NRF1: variants seen among roughly 807,000 people sequenced by gnomAD.
NRF1 encodes nuclear respiratory factor 1.
A neutral mutation model predicts 58.5 loss-of-function variants in NRF1; 5 were observed. That is an observed-to-expected ratio of 0.09 (90% CI 0.04 to 0.18). The LOEUF (loss-of-function observed/expected upper bound fraction) is 0.18. Among genes scored for constraint, NRF1 ranks in the 10% least tolerant of loss-of-function variants. The pLI is 1.00. For missense variants in NRF1, 288 were observed against 657.7 expected (o/e 0.44, Z 6.15); for synonymous variants, 224 against 246.7 (o/e 0.91, Z 0.86).
Position 129,726,258 on chromosome 7 carries a change from G to GT in NRF1, c.1224-977dup, listed in dbSNP as rs761440273. The stretch of plus-strand genomic sequence containing the variant: ...ACCAGAAGGGATAATGAAATTGCCT[G>GT]TTTTTTCACATTTTTACATCTCTGA... On this transcript the variant is annotated intron_variant, in intron 9 of 10. Transcript: ENST00000393232. Among the ~76,000 whole-genome samples the GT allele has an allele frequency of 5.3e-5, 8 of 152,210 alleles. 1 individual carries two copies. Among genetic ancestry groups the GT allele is most frequent in the Middle Eastern group, 6.8e-3 (2 of 294 alleles).
chr7:129,717,320 A>G lies in NRF1; in HGVS notation c.1167A>G (p.Ala389=), dbSNP rs1332818826. 6 of 1,613,998 alleles carry G rather than the reference A, an allele frequency of 3.7e-6. No homozygotes were observed. The highest frequency in any genetic ancestry group is 8.5e-7 in the Non-Finnish European group (1 of 1,180,002). ...CGGTGGCATCGTTGGCAGAGGCCGCAGTGGCAGCTTCTCAGGAGATGCAGC... is the reference window on the plus strand; with the variant it reads ...CGGTGGCATCGTTGGCAGAGGCCGCGGTGGCAGCTTCTCAGGAGATGCAGC... The part of the protein sequence containing the change: ...TQAVASLAEA[A]VAASQEMQQG... The change falls in exon 9 of 11, where the codon GCA becomes GCG. Residue 389 remains alanine (A), a synonymous_variant. Coordinates refer to ENST00000393232, the MANE Select transcript of NRF1 (RefSeq NM_005011.5).
intron 1 of NRF1, among the ~76,000 whole-genome samples, chr7:129,638,352 A>G (rs1223037126): frequency 6.6e-6 from 1 of 152,166 alleles, no homozygotes; most frequent in African/African-American, 2.4e-5. Context: ...CCAGCATATT[A>G]CTGCTGGCGA....
Position 129,658,153 on chromosome 7 carries a change from G to A in NRF1, c.223+579G>A, listed in dbSNP as rs77914171. 7.5e-4 allele frequency among the ~76,000 whole-genome samples: 114 copies of A among 152,004 alleles called. No individual in the cohort carries two copies. In the East Asian group the frequency reaches 0.022, roughly 29 times the overall value. Reference sequence around the variant, plus strand: ...GCTTTCTCTTTGCCCTACCTGTTCTGTTTACTTTTCTCTTTCTTGGCGTTT... The same window carrying A: ...GCTTTCTCTTTGCCCTACCTGTTCTATTTACTTTTCTCTTTCTTGGCGTTT... On this transcript the variant is annotated intron_variant, in intron 2 of 10. Coordinates refer to ENST00000393232, the MANE Select transcript of NRF1 (RefSeq NM_005011.5).
At chr7:129,730,252 C>G (rs1025753241) in intron 10 of NRF1, among the ~76,000 whole-genome samples, 3 of 151,948 alleles carry the variant, frequency 2.0e-5, no homozygotes, top group African/African-American at 7.3e-5. Context: ...CTCAAACTCT[C>G]GGGCTCGAGC....
chr7:129,669,021 C>T (rs1032988718), intron 2 of NRF1, among the ~76,000 whole-genome samples: 5 of 152,102 alleles, frequency 3.3e-5, no homozygotes, highest in Non-Finnish European at 5.9e-5. Context: ...GATCTCGGTT[C>T]ACTGCAACCT....
At chr7:129,650,697 C>T (rs1182108690) in intron 1 of NRF1, among the ~76,000 whole-genome samples, 2 of 151,898 alleles carry the variant, frequency 1.3e-5, no homozygotes, top group Non-Finnish European at 2.9e-5. Flanking sequence ...ATTTAATCCT[C>T]ATATCATCCT....
At chr7:129,673,931 G>C (rs1057313716) in intron 3 of NRF1, among the ~76,000 whole-genome samples, 4 of 151,964 alleles carry the variant, frequency 2.6e-5, no homozygotes, top group Non-Finnish European at 5.9e-5. Flanking sequence ...CCTGAGGTCG[G>C]GAGTTTGAGA....
At position 129,755,218 on chromosome 7, in the gene NRF1, T is replaced by C; in HGVS notation, c.*37T>C. On this transcript the variant is annotated 3_prime_UTR_variant, in exon 11 of 11. Transcript: ENST00000393232. This position sits in a 1 kb window ranked among gnomAD's most constrained non-coding sequence, Gnocchi z 5.8. The stretch of plus-strand genomic sequence containing the variant: ...ATTATGGCATCGTTTTCTAGTCTAC[T>C]TCAAAATTTTTTACACGTTTGCAGA... The C allele has an allele frequency of 1.3e-6, 2 of 1,512,696 alleles. No individual in the cohort carries two copies. The highest frequency in any genetic ancestry group is 1.8e-6 in the Non-Finnish European group (2 of 1,126,492). 93.7% of individuals were successfully genotyped at this position (1,512,696 alleles called of 1,614,324 possible). A position where few individuals can be genotyped will look rare whatever the true frequency, so the allele number is the denominator to read the frequency against.
chr7:129,727,750 T>TC (rs1330118476), intron 10 of NRF1, among the ~76,000 whole-genome samples: 12 of 152,308 alleles, frequency 7.9e-5, no homozygotes, highest in African/African-American at 2.9e-4. Flanking sequence ...AGGACCATCA[T>TC]GGAAAGTTCT....
At chr7:129,644,774 C>T (rs1801367911) in intron 1 of NRF1, among the ~76,000 whole-genome samples, 1 of 152,148 alleles carries the variant, frequency 6.6e-6, no homozygotes, top group East Asian at 1.9e-4. Flanking sequence ...TCCGGCAAGC[C>T]AAAATTCCCC....
chr7:129,701,591 CA>C lies in NRF1; in HGVS notation c.607-7472del, dbSNP rs59228978. 7.6e-3 allele frequency among the ~76,000 whole-genome samples: 703 copies of C among 92,982 alleles called. 11 individuals are homozygous for C. The highest frequency in any genetic ancestry group is 0.038 in the East Asian group (128 of 3,388). The allele number at this position is 92,982 out of a possible 152,430, so 61.0% of individuals were successfully genotyped here. A position where few individuals can be genotyped will look rare whatever the true frequency, so the allele number is the denominator to read the frequency against. The stretch of plus-strand genomic sequence containing the variant: ...GCCTGGGTGATGAGTGAGGCTGTCT[CA>C]AAAAAAAAAAAGAAAAAGAAAAAAA... On this transcript the variant is annotated intron_variant, in intron 5 of 10. Coordinates refer to ENST00000393232, the MANE Select transcript of NRF1 (RefSeq NM_005011.5).
intron 3 of NRF1, among the ~76,000 whole-genome samples, chr7:129,676,308 C>A (rs1447031671): frequency 6.6e-6 from 1 of 152,242 alleles, no homozygotes; most frequent in Non-Finnish European, 1.5e-5. Context: ...TTGGCATAAG[C>A]GGCCTTGCTG....
At chr7:129,621,538 CAG>C (rs1190663833) in intron 1 of NRF1, among the ~76,000 whole-genome samples, 9 of 152,104 alleles carry the variant, frequency 5.9e-5, no homozygotes, top group Middle Eastern at 3.4e-3. Flanking sequence ...TTTTTGGTAA[CAG>C]ATCTTCCATG....
At chr7:129,673,296 A>G (rs1235934723) in intron 3 of NRF1, among the ~76,000 whole-genome samples, 9 of 152,214 alleles carry the variant, frequency 5.9e-5, no homozygotes, top group Non-Finnish European at 1.3e-4. Context: ...AAGGAATTCC[A>G]TCAGATTTCT....
chr7:129,700,034 G>A (rs888040537), intron 5 of NRF1, among the ~76,000 whole-genome samples: 11 of 151,430 alleles, frequency 7.3e-5, no homozygotes, highest in East Asian at 1.9e-4. Flanking sequence ...CCAGCTACTC[G>A]GGAGGCTGGG....
At chr7:129,730,536 G>A (rs1420123500) in intron 10 of NRF1, among the ~76,000 whole-genome samples, 2 of 152,210 alleles carry the variant, frequency 1.3e-5, no homozygotes, top group African/African-American at 4.8e-5. Context: ...CAGTTCTGAA[G>A]TAGAAAGAGT....
intron 1 of NRF1, chr7:129,633,589 C>G (rs1005897531): frequency 2.0e-5 from 3 of 152,124 alleles, no homozygotes; most frequent in African/African-American, 7.2e-5. Context: ...CTCCACCAAA[C>G]TTTTTAAAGT....
At chr7:129,670,861 C>T (rs1439912625) in intron 2 of NRF1, among the ~76,000 whole-genome samples, 1 of 152,142 alleles carries the variant, frequency 6.6e-6, no homozygotes, top group Non-Finnish European at 1.5e-5. Context: ...TTGAACATCT[C>T]CATTTTTGGC....
intron 1 of NRF1, among the ~76,000 whole-genome samples, chr7:129,653,654 T>A (rs1400048455): frequency 6.6e-6 from 1 of 152,178 alleles, no homozygotes; most frequent in Non-Finnish European, 1.5e-5. Flanking sequence ...CTTCCCCCAA[T>A]CCTTGGCAAC....
Sources: gnomAD v4.1 joint callset for allele counts (sites outside exome capture counted in the v4.1 genomes callset) on GRCh38, gnomAD v4.1.1 for gene constraint, Gnocchi (gnomAD v3.1) non-coding constraint, MANE v1.5 for transcripts, NCBI Gene and HGNC (gene_info 2026-07-23, HGNC 2026-07-21) for gene names.